The following INPP4A variants were observed in gnomAD, a reference collection of about 807,000 sequenced individuals.
INPP4A encodes inositol polyphosphate-4-phosphatase, type I, 107kD.
A neutral mutation model predicts 119.8 loss-of-function variants in INPP4A; 33 were observed. That is an observed-to-expected ratio of 0.28 (90% confidence interval 0.21 to 0.37). The LOEUF (loss-of-function observed/expected upper bound fraction) is 0.37. Among genes scored for constraint, INPP4A ranks in the 10% least tolerant of loss-of-function variants. INPP4A has a pLI of 1.00. For synonymous variants in INPP4A, 496 were observed against 500.7 expected, an observed-to-expected ratio of 0.99 and a Z score of 0.12; for missense variants, 956 against 1,289.9, an observed-to-expected ratio of 0.74 and a Z score of 3.97.
intron 1 of INPP4A, among the ~76,000 whole-genome samples, chr2:98,494,302 A>C (rs1457554987): frequency 6.6e-6 from 1 of 152,216 alleles, no homozygotes; most frequent in Non-Finnish European, 1.5e-5. Context: ...CATAGGGCAG[A>C]GGTTCTACCT....
intron 4 of INPP4A, among the ~76,000 whole-genome samples, chr2:98,529,260 A>G (rs1046336869): frequency 3.9e-5 from 6 of 152,206 alleles, no homozygotes; most frequent in Non-Finnish European, 8.8e-5. Flanking sequence ...AAAGCCACCT[A>G]TTGTATGATT....
At chr2:98,551,793 TAGG>T (rs917925277) in intron 13 of INPP4A, among the ~76,000 whole-genome samples, 6 of 152,238 alleles carry the variant, frequency 3.9e-5, no homozygotes, top group Non-Finnish European at 7.3e-5. Flanking sequence ...TTTCAAATTT[TAGG>T]AGGAGACCTC....
In INPP4A at chr2:98,554,942, A is replaced by T. The variant is rs1694181644; in HGVS notation, c.1566+453A>T. ...AGCTGCCGCCCTGACATTACATCAC[A>T]TTATTGTTCCTCAGAGAATTGGCCC... On this transcript the variant is annotated intron_variant, in intron 15 of 24. Transcript: ENST00000409851. This position sits in a 1 kb window ranked among gnomAD's most constrained non-coding sequence, Gnocchi z 4.7. Among the ~76,000 whole-genome samples the T allele has an allele frequency of 6.6e-6, 1 of 152,178 alleles. No individual in the cohort carries two copies. Among genetic ancestry groups the T allele is most frequent in the Non-Finnish European group, 1.5e-5 (1 of 68,026 alleles).
intron 4 of INPP4A, among the ~76,000 whole-genome samples, chr2:98,532,790 T>C (rs1346891498): frequency 6.6e-6 from 1 of 152,238 alleles, no homozygotes; most frequent in Non-Finnish European, 1.5e-5. Context: ...AGCTCCATTA[T>C]AATCTGTGAG....
chr2:98,504,195 C>T (rs991363951), intron 1 of INPP4A, among the ~76,000 whole-genome samples: 3 of 152,128 alleles, frequency 2.0e-5, no homozygotes, highest in Non-Finnish European at 4.4e-5. Flanking sequence ...GCAACACAGC[C>T]GAGTAGCTGA....
At chr2:98,446,535 A>G (rs939828205) in intron 1 of INPP4A, among the ~76,000 whole-genome samples, 2 of 152,106 alleles carry the variant, frequency 1.3e-5, no homozygotes, top group Non-Finnish European at 2.9e-5. Flanking sequence ...TCTAGTAAAC[A>G]CGCCTGTGAA....
chr2:98,545,502 G>A (rs184528235), intron 11 of INPP4A, among the ~76,000 whole-genome samples: 101 of 152,214 alleles, frequency 6.6e-4, no homozygotes, highest in Non-Finnish European at 1.3e-3. Flanking sequence ...CATCACTTTC[G>A]AGAGTTGAGA....
At chr2:98,558,635 A>G (rs1694908828) in intron 16 of INPP4A, among the ~76,000 whole-genome samples, 2 of 152,342 alleles carry the variant, frequency 1.3e-5, no homozygotes, top group South Asian at 4.1e-4. Flanking sequence ...TCATTTCCAC[A>G]TCCTGAAGAC....
At chr2:98,558,027 T>G (rs1020841429) in intron 16 of INPP4A, among the ~76,000 whole-genome samples, 2 of 152,234 alleles carry the variant, frequency 1.3e-5, no homozygotes, top group Non-Finnish European at 2.9e-5. Context: ...CCTGAGATTA[T>G]GTGCTGGAAT....
In INPP4A at chr2:98,592,002, G is replaced by C. The variant is rs1054867518; in HGVS notation, c.*4394G>C. On this transcript the variant is annotated 3_prime_UTR_variant, in exon 25 of 25. Transcript: ENST00000409851. ...GGCTGCCAGCATTTCTCTTAAGCTG[G>C]GGGGAGAAGAGCTGTTCTGTGTATA... 2 of 152,186 alleles carry C rather than the reference G, an allele frequency of 1.3e-5. No homozygotes were observed. Among genetic ancestry groups the C allele is most frequent in the African/African-American group, 4.8e-5 (2 of 41,406 alleles). The allele number at this position is 152,186 out of a possible 1,614,324, so 9.4% of individuals were successfully genotyped here. A position where few individuals can be genotyped will look rare whatever the true frequency, so the allele number is the denominator to read the frequency against.
intron 1 of INPP4A, among the ~76,000 whole-genome samples, chr2:98,501,453 G>C (rs1427458103): frequency 2.0e-5 from 3 of 152,190 alleles, no homozygotes; most frequent in African/African-American, 7.2e-5. Context: ...TGCTAGCTTC[G>C]GGAGGTGACA....
At chr2:98,452,618 C>T (rs187438783) in intron 1 of INPP4A, among the ~76,000 whole-genome samples, 11 of 152,318 alleles carry the variant, frequency 7.2e-5, no homozygotes, top group African/African-American at 1.7e-4. Flanking sequence ...CCCTGGGGGC[C>T]GCTTTGCTCT....
chr2:98,523,384 T>C (rs982479798), intron 4 of INPP4A, among the ~76,000 whole-genome samples: 4 of 151,662 alleles, frequency 2.6e-5, no homozygotes, highest in African/African-American at 9.7e-5. Context: ...TGTTTTGTTT[T>C]TGTTTTTGTT....
chr2:98,578,081 T>C (rs548508342), intron 24 of INPP4A, among the ~76,000 whole-genome samples: 47 of 152,336 alleles, frequency 3.1e-4, no homozygotes, highest in African/African-American at 1.1e-3. Context: ...TGGAATCGTT[T>C]TGTCCCGTTT....
chr2:98,549,653 G>A (rs1693139784), intron 13 of INPP4A, among the ~76,000 whole-genome samples: 1 of 152,188 alleles, frequency 6.6e-6, no homozygotes, highest in South Asian at 2.1e-4. Flanking sequence ...CTGCCTCAGA[G>A]CCTGTGACCC....
rs573119662 is a variant in INPP4A at position 98,556,842 on chromosome 2, G to A, written c.1822+1034G>A. 6.6e-5 allele frequency among the ~76,000 whole-genome samples: 10 copies of A among 152,254 alleles called. No homozygotes were observed. In the South Asian group the frequency reaches 1.9e-3, roughly 28 times the overall value. On this transcript the variant is annotated intron_variant, in intron 16 of 24. Transcript: ENST00000409851. ...ACTGTCTCACTTGAGCCTCTGTCTCGACAGTTATCACGTCACCCATCTCTC... is the reference window on the plus strand; with the variant it reads ...ACTGTCTCACTTGAGCCTCTGTCTCAACAGTTATCACGTCACCCATCTCTC...
intron 21 of INPP4A, among the ~76,000 whole-genome samples, chr2:98,567,448 CA>C (rs1315605890): frequency 6.6e-6 from 1 of 152,158 alleles, no homozygotes; most frequent in Non-Finnish European, 1.5e-5. Flanking sequence ...AAGGTGTGAG[CA>C]GAGCTGGAGG....
In INPP4A at chr2:98,552,866, C is replaced by G. The variant is rs770690916; in HGVS notation, c.1244C>G (p.Thr415Ser). 1 of 1,613,848 alleles carries G rather than the reference C, an allele frequency of 6.2e-7. No individual in the cohort carries two copies. The highest frequency in any genetic ancestry group is 1.7e-5 in the Admixed American group (1 of 60,020). The change falls in exon 14 of 25, where the codon ACC becomes AGC. Residue 415 changes from threonine (T) to serine (S), a missense_variant. Physicochemically the swap from Thr to Ser is moderately conservative, Grantham distance 58. Around this residue, in one of 2 missense-constraint regions of INPP4A, gnomAD observed 652 missense variants for 797.9 expected, o/e 0.82. Coordinates refer to ENST00000409851, the MANE Select transcript of INPP4A (RefSeq NM_001134225.2). ...AAGGAGATCATCGCCCAGATCAACA[C>G]CCTGAAAACCCAAGTGAGTTACTAC... ...RAKEIIAQIN[T>S]LKTQVSYYAE...
chr2:98,482,987 G>C (rs1290483163), intron 1 of INPP4A, among the ~76,000 whole-genome samples: 1 of 152,086 alleles, frequency 6.6e-6, no homozygotes, highest in Non-Finnish European at 1.5e-5. Flanking sequence ...CGTATATAAT[G>C]CAAATATTTC....
Sources: gnomAD v4.1 joint callset for allele counts (sites outside exome capture counted in the v4.1 genomes callset) on GRCh38, gnomAD v4.1.1 for gene constraint, gnomAD v4.1.1 regional missense constraint, Gnocchi (gnomAD v3.1) non-coding constraint, MANE v1.5 for transcripts, NCBI Gene and HGNC (gene_info 2026-07-23, HGNC 2026-07-21) for gene names.